Variants in DOT1L observed in about 807,000 individuals in gnomAD.
DOT1L encodes the protein histone-lysine N-methyltransferase, H3 lysine-79 specific.
In DOT1L, 33 loss-of-function variants were observed where a neutral mutation model predicts 153.3. The ratio of observed to expected loss-of-function variants is 0.22; its 90% CI spans 0.16 to 0.29. DOT1L has a LOEUF of 0.29. Ranked by LOEUF, DOT1L falls within the 10% of genes least tolerant of loss-of-function variation. The pLI is 1.00. For synonymous variants in DOT1L, 1,135 were observed against 965.1 expected, an observed-to-expected ratio of 1.18 and a Z score of -3.26; for missense variants, 1,847 against 2,119.9, an observed-to-expected ratio of 0.87 and a Z score of 2.53.
rs1208916617 is a variant in DOT1L, at chr19:2,230,100, T to C, written c.*308T>C. ...TATAAATATCTATATATGAGAGCTC[T>C]ATATAAAGACACGTGTCTGCAGGGC... is the stretch of plus-strand genomic sequence containing the variant. On this transcript the variant is annotated 3_prime_UTR_variant, in exon 28 of 28. Transcript: ENST00000398665. 1.1e-5 allele frequency: 6 copies of C among 558,378 alleles called. No homozygotes were observed. The highest frequency in any genetic ancestry group is 2.4e-5 in the South Asian group (1 of 41,556). 34.6% of individuals were successfully genotyped at this position (558,378 alleles called of 1,614,324 possible).
Position 2,216,593 on chromosome 19 carries a change from G to C in DOT1L, c.2236G>C (p.Glu746Gln). 6.2e-7 allele frequency: 1 copy of C among 1,608,192 alleles called. No homozygotes were observed. The highest frequency in any genetic ancestry group is 2.2e-5 in the East Asian group (1 of 44,884). The change falls in exon 20 of 28, where the codon GAG becomes CAG. Residue 746 changes from glutamate to glutamine, a missense_variant. By Grantham distance (29) the Glu-to-Gln change is conservative (BLOSUM62 2). Transcript: ENST00000398665. ...GTACCTGGCCTCACCCCTGGACCAG[G>C]AGGTGGTGCCCTGTACCCCTAGCCA... is the stretch of plus-strand genomic sequence containing the variant. ...PQYLASPLDQ[E>Q]VVPCTPSHVG...
At chr19:2,229,077 C>G in intron 27 of DOT1L, 1 of 985,432 alleles carries the variant, frequency 1.0e-6, no homozygotes, top group Middle Eastern at 5.2e-4. Context: ...TTCAGCTGCT[C>G]AGATGTCAGC....
chr19:2,194,661 A>ATGTTGTCACATGGC, intron 7 of DOT1L, 84 bp downstream of exon 7: 1 of 1,139,138 alleles, frequency 8.8e-7, no homozygotes, highest in Non-Finnish European at 1.3e-6. Flanking sequence ...TTTCTTGCCG[A>ATGTTGTCACATGGC]TGTTGGCACA....
At chr19:2,229,495 TAGG>T (rs2024508177) in intron 27 of DOT1L, 1 of 985,304 alleles carries the variant, frequency 1.0e-6, no homozygotes, top group African/African-American at 1.7e-5. Context: ...CTGGGTCTCT[TAGG>T]AGATGAGCTG....
rs1452500648 is a variant in DOT1L at position 2,208,330 on chromosome 19, C to T, written c.964-605C>T. Among the ~76,000 whole-genome samples the T allele has an allele frequency of 3.3e-5, 5 of 152,164 alleles. No individual in the cohort carries two copies. Among genetic ancestry groups the T allele is most frequent in the Non-Finnish European group, 5.9e-5 (4 of 68,030 alleles). On this transcript the variant is annotated intron_variant, in intron 11 of 27. Coordinates refer to ENST00000398665, the MANE Select transcript of DOT1L (RefSeq NM_032482.3). This position sits in a 1 kb window ranked among gnomAD's most constrained non-coding sequence, Gnocchi z 4.4. ...GTTGGGGTAGCGGTGGTTTTCCTTA[C>T]GGTGGTGCTGGTGTGTCTGCACCCT...
chr19:2,169,392 A>G (rs542862256), intron 1 of DOT1L, among the ~76,000 whole-genome samples: 1 of 152,334 alleles, frequency 6.6e-6, no homozygotes, highest in South Asian at 2.1e-4. Flanking sequence ...TAGCAAATGC[A>G]CACTGCTTTG....
rs751355422 is a variant in DOT1L at position 2,226,748 on chromosome 19, G to A, written c.4227G>A (p.Lys1409=). ...PTDKTPLLSG[K]AAKARDREVD... ...ACAAGACCCCACTGCTGAGCGGCAA[G>A]GCCGCCAAGGCCCGGGACCGCGAGG... Residue 1409 remains lysine (K), a synonymous_variant, in exon 27 of 28, where the codon AAG becomes AAA. Coordinates refer to ENST00000398665, the MANE Select transcript of DOT1L (RefSeq NM_032482.3). 3.2e-6 allele frequency: 5 copies of A among 1,557,284 alleles called. No individual in the cohort carries two copies.
chr19:2,170,975 A>G (rs1273214280), intron 1 of DOT1L, among the ~76,000 whole-genome samples: 2 of 151,678 alleles, frequency 1.3e-5, no homozygotes, highest in African/African-American at 2.4e-5. Flanking sequence ...TTCTCTCATT[A>G]TTTTTGGGAT....
At chr19:2,214,417 G>C in intron 18 of DOT1L, 54 bp from the exon 19 acceptor site, 1 of 1,596,178 alleles carries the variant, frequency 6.3e-7, no homozygotes, top group Non-Finnish European at 8.5e-7. Context: ...AGAGTGTGGG[G>C]TGTGCTGGGC....
chr19:2,217,981 C>A lies in DOT1L; in HGVS notation c.2691+63C>A. ...TTGAGGCAAAACAGTCTGGGGTGCT[C>A]GAGACCTGGCTCACTTTGCGAAGTC... is the stretch of plus-strand genomic sequence containing the variant. On this transcript the variant is annotated intron_variant, in intron 22 of 27. Transcript: ENST00000398665. The surrounding 1 kb of genome is among the most constrained non-coding windows in gnomAD (Gnocchi z 7.3). 6.4e-7 allele frequency: 1 copy of A among 1,565,474 alleles called. No homozygotes were observed. The highest frequency in any genetic ancestry group is 1.2e-5 in the South Asian group (1 of 86,716).
At chr19:2,178,231 C>CA (rs1469352163) in intron 1 of DOT1L, among the ~76,000 whole-genome samples, 55 of 135,796 alleles carry the variant, frequency 4.1e-4, no homozygotes, top group African/African-American at 1.7e-3. Context: ...CATGCCTGGC[C>CA]ATTTTTTTTT....
In DOT1L at chr19:2,190,012, G is replaced by A. The variant is rs1199649165; in HGVS notation, c.264+217G>A. Among the ~76,000 whole-genome samples the A allele has an allele frequency of 6.6e-6, 1 of 152,146 alleles. No individual in the cohort carries two copies. Among genetic ancestry groups the A allele is most frequent in the African/African-American group, 2.4e-5 (1 of 41,436 alleles). On this transcript the variant is annotated intron_variant, in intron 4 of 27. Coordinates refer to ENST00000398665, the MANE Select transcript of DOT1L (RefSeq NM_032482.3). This position sits in a 1 kb window ranked among gnomAD's most constrained non-coding sequence, Gnocchi z 4.8. ...GCCGTGTGCCAAAGCAGAGCCGTCC[G>A]TGGTTTGTGTGCTGAGGCAGGGCCC...
intron 1 of DOT1L, among the ~76,000 whole-genome samples, chr19:2,170,302 G>A (rs2020076199): frequency 1.3e-5 from 2 of 152,206 alleles, no homozygotes; most frequent in Non-Finnish European, 2.9e-5. Context: ...TGCCCCTGGT[G>A]TGGTTGGGAG....
chr19:2,213,765 T>TG (rs2144850691), intron 17 of DOT1L, 84 bp from the exon 18 acceptor site: 1 of 1,604,340 alleles, frequency 6.2e-7, no homozygotes, highest in South Asian at 1.1e-5. Context: ...TCCCAGGGGC[T>TG]GGGCTGCAGG....
intron 12 of DOT1L, among the ~76,000 whole-genome samples, chr19:2,210,040 G>A (rs2023652182): frequency 6.6e-6 from 1 of 152,240 alleles, no homozygotes; most frequent in Non-Finnish European, 1.5e-5. Context: ...AGAGGGCAGG[G>A]GAGGCTGTGG....
Position 2,217,707 on chromosome 19 carries a change from C to CTG in DOT1L, c.2545-62_2545-61dup. On this transcript the variant is annotated intron_variant, in intron 21 of 27. Coordinates refer to ENST00000398665, the MANE Select transcript of DOT1L (RefSeq NM_032482.3). The surrounding 1 kb of genome is among the most constrained non-coding windows in gnomAD (Gnocchi z 7.3). Reference sequence around the variant, plus strand: ...GCTGTAGCAGGCCCCCGTCCTGTGGCTGTGGTCCCTGTGTCCTGGAGGGGT... The same window carrying CTG: ...GCTGTAGCAGGCCCCCGTCCTGTGGCTGTGTGGTCCCTGTGTCCTGGAGGGGT... The CTG allele has an allele frequency of 6.5e-7, 1 of 1,546,078 alleles. No individual in the cohort carries two copies. Among genetic ancestry groups the CTG allele is most frequent in the Non-Finnish European group, 8.7e-7 (1 of 1,144,358 alleles).
chr19:2,230,260 C>G lies in DOT1L; in HGVS notation c.*468C>G. 4.7e-6 allele frequency: 2 copies of G among 427,492 alleles called. No individual in the cohort carries two copies. Among genetic ancestry groups the G allele is most frequent in the African/African-American group, 2.0e-5 (1 of 48,874 alleles). 26.5% of individuals were successfully genotyped at this position (427,492 alleles called of 1,614,324 possible). A position where few individuals can be genotyped will look rare whatever the true frequency, so the allele number is the denominator to read the frequency against. On this transcript the variant is annotated 3_prime_UTR_variant, in exon 28 of 28. Transcript: ENST00000398665. The stretch of plus-strand genomic sequence containing the variant: ...GTTCTCGGAAACGCCGCCCGGCCGG[C>G]TCCCCCGACGCGCTGCTCCCGTACC...
intron 9 of DOT1L, among the ~76,000 whole-genome samples, chr19:2,203,287 A>G (rs2023365580): frequency 6.6e-6 from 1 of 152,106 alleles, no homozygotes; most frequent in South Asian, 2.1e-4. Flanking sequence ...TTTAGTAGAG[A>G]CAGGATTTCA....
intron 1 of DOT1L, among the ~76,000 whole-genome samples, chr19:2,173,510 G>C (rs2021756809): frequency 6.6e-6 from 1 of 152,222 alleles, no homozygotes; most frequent in Admixed American, 6.5e-5. Context: ...AGCAGGCAGA[G>C]GGTGCCTGCT....
Sources: gnomAD v4.1 joint callset for allele counts (sites outside exome capture counted in the v4.1 genomes callset) on GRCh38, gnomAD v4.1.1 for gene constraint, Gnocchi (gnomAD v3.1) non-coding constraint, MANE v1.5 for transcripts, NCBI Gene and HGNC (gene_info 2026-07-23, HGNC 2026-07-21) for gene names.